FGF17: variants seen among roughly 807,000 people sequenced by gnomAD.
FGF17 encodes the protein fibroblast growth factor 17.
A neutral mutation model predicts 23.5 loss-of-function variants in FGF17; 5 were observed. The observed-to-expected ratio is 0.21, with a 90% CI of 0.11 to 0.45. The LOEUF (loss-of-function observed/expected upper bound fraction) is 0.45, where lower values mean the gene tolerates loss of function less well. Ranked by LOEUF, FGF17 falls within the 20% of genes least tolerant of loss-of-function variation. The pLI, the probability that FGF17 is intolerant of heterozygous loss-of-function variation, is 0.99. For synonymous variants in FGF17, 136 were observed against 123.0 expected (o/e 1.11, Z -0.70); for missense variants, 221 against 306.9 (o/e 0.72, Z 2.09).
chr8:22,042,520 T>G, upstream of FGF17: 1 of 279,104 alleles, frequency 3.6e-6, no homozygotes, highest in Non-Finnish European at 6.8e-6. Flanking sequence ...ACACATCGAG[T>G]TTGTCTGCGT....
chr8:22,044,678 T>C (rs1800823560), intron 2 of FGF17: 4 of 985,000 alleles, frequency 4.1e-6, no homozygotes, highest in Non-Finnish European at 3.6e-6. Context: ...TGCTCCAGGG[T>C]GGGGCGAGGG....
upstream of FGF17, among the ~76,000 whole-genome samples, chr8:22,041,013 C>G (rs936827477): frequency 3.3e-5 from 5 of 152,184 alleles, no homozygotes; most frequent in Admixed American, 3.3e-4. Context: ...CCCAGCCATG[C>G]CACCAGCTAG....
intron 2 of FGF17, chr8:22,044,997 G>A (rs2129664968): frequency 4.1e-6 from 4 of 985,604 alleles, no homozygotes; most frequent in African/African-American, 1.7e-5. Flanking sequence ...GCATCCAGGT[G>A]GAGACAAAAC....
chr8:22,047,845 G>GCCC (rs1449435627), intron 4 of FGF17, 111 bp from the exon 5 acceptor site: 10 of 1,076,812 alleles, frequency 9.3e-6, no homozygotes, highest in Non-Finnish European at 1.3e-5. Flanking sequence ...TGGGCTCACG[G>GCCC]CCCCGTTGTT....
Position 22,044,704 on chromosome 8 carries a change from G to T in FGF17, c.73-1410G>T, listed in dbSNP as rs763094411. 3.0e-6 allele frequency: 3 copies of T among 985,674 alleles called. No individual in the cohort carries two copies. In the African/African-American group the frequency reaches 5.2e-5, roughly 17 times the overall value. The allele number at this position is 985,674 out of a possible 1,614,324, so 61.1% of individuals were successfully genotyped here. On this transcript the variant is annotated intron_variant, in intron 2 of 4. Transcript: ENST00000359441. ...GGGGCGAGGGGCAGGTCTTGCAGAG[G>T]CTAGGCAGAGGCTGCTCTATGGGGA...
Position 22,042,918 on chromosome 8 carries a change from C to T in FGF17, c.-11C>T. On this transcript the variant is annotated 5_prime_UTR_variant, in exon 1 of 5. Coordinates refer to ENST00000359441, the MANE Select transcript of FGF17 (RefSeq NM_003867.4). The stretch of plus-strand genomic sequence containing the variant: ...GGCAGGGGGGCAACCGCCTGAGGAA[C>T]CTCTCCAGCGATGGGAGCCGCCCGC... The T allele has an allele frequency of 6.2e-7, 1 of 1,613,450 alleles. No individual in the cohort carries two copies. Among genetic ancestry groups the T allele is most frequent in the African/African-American group, 1.3e-5 (1 of 75,046 alleles).
At position 22,042,927 on chromosome 8, in the gene FGF17, C is replaced by A. The variant is rs375311317; in HGVS notation, c.-2C>A. 31 of 1,613,248 alleles carry A rather than the reference C, an allele frequency of 1.9e-5. No individual in the cohort carries two copies. The highest frequency in any genetic ancestry group is 2.5e-5 in the Non-Finnish European group (30 of 1,179,756). ...GCAACCGCCTGAGGAACCTCTCCAG[C>A]GATGGGAGCCGCCCGCCTGCTGCCC... On this transcript the variant is annotated 5_prime_UTR_variant, in exon 1 of 5. Transcript: ENST00000359441.
Position 22,048,370 on chromosome 8 carries a change from C to A in FGF17, c.*121C>A. ...ATCCCCGAGGGAGGACCCTGAGGGC[C>A]GCGAAGCATCCGAGCCCCCAGCTGG... On this transcript the variant is annotated 3_prime_UTR_variant, in exon 5 of 5. Transcript: ENST00000359441. The surrounding 1 kb of genome is among the most constrained non-coding windows in gnomAD (Gnocchi z 6.9). 1.1e-6 allele frequency: 1 copy of A among 907,098 alleles called. No individual in the cohort carries two copies. The highest frequency in any genetic ancestry group is 1.6e-6 in the Non-Finnish European group (1 of 615,524). The allele number at this position is 907,098 out of a possible 1,614,324, so 56.2% of individuals were successfully genotyped here. A position where few individuals can be genotyped will look rare whatever the true frequency, so the allele number is the denominator to read the frequency against.
Position 22,046,748 on chromosome 8 carries a change from C to G in FGF17, c.357+115C>G, listed in dbSNP as rs1800878778. 3 of 714,412 alleles carry G rather than the reference C, an allele frequency of 4.2e-6. 1 individual carries two copies. The Admixed American group carries it at 8.3e-5, about 20-fold the overall frequency. The allele number at this position is 714,412 out of a possible 1,614,324, so 44.3% of individuals were successfully genotyped here. On this transcript the variant is annotated intron_variant, in intron 4 of 4. Coordinates refer to ENST00000359441, the MANE Select transcript of FGF17 (RefSeq NM_003867.4). Reference sequence around the variant, plus strand: ...CACACACCCTCCTGTGTAAAGACTTCCCATCCTACTCTCAGCCCACCCACT... The same window carrying G: ...CACACACCCTCCTGTGTAAAGACTTGCCATCCTACTCTCAGCCCACCCACT...
rs1324284056 is a variant in FGF17, at chr8:22,048,409, GGTGCCCCAGGGGCGGCTGGCACA to G, written c.*168_*190del. On this transcript the variant is annotated 3_prime_UTR_variant, in exon 5 of 5. Transcript: ENST00000359441. This position sits in a 1 kb window ranked among gnomAD's most constrained non-coding sequence, Gnocchi z 6.9. ...GCCCCCAGCTGGGAAGGGGCAGGCC[GGTGCCCCAGGGGCGGCTGGCACA>G]GTGCCCCCTTCCCGGACGGGTGGCA... 13 of 677,708 alleles carry G rather than the reference GGTGCCCCAGGGGCGGCTGGCACA, an allele frequency of 1.9e-5. No homozygotes were observed. The Admixed American group carries it at 3.6e-4, about 19-fold the overall frequency. The allele number at this position is 677,708 out of a possible 1,614,324, so 42.0% of individuals were successfully genotyped here. A position where few individuals can be genotyped will look rare whatever the true frequency, so the allele number is the denominator to read the frequency against.
In FGF17 at chr8:22,048,149, C is replaced by T. The variant is rs1334942833; in HGVS notation, c.551C>T (p.Pro184Leu). 6.2e-7 allele frequency: 1 copy of T among 1,613,402 alleles called. No homozygotes were observed. Among genetic ancestry groups the T allele is most frequent in the East Asian group, 2.2e-5 (1 of 44,866 alleles). ...AAGCGCCTCTACCAAGGCCAGCTGC[C>T]CTTCCCCAACCACGCCGAGAAGCAG... ...FIKRLYQGQL[P>L]FPNHAEKQKQ... is the part of the protein sequence containing the mutation. The change falls in exon 5 of 5, where the codon CCC becomes CTC. Residue 184 changes from proline (P) to leucine (L), a missense_variant. Physicochemically the swap from Pro to Leu is moderately conservative, Grantham distance 98. Around this residue, in one of 3 missense-constraint regions of FGF17, gnomAD observed 128 missense variants for 150.4 expected, o/e 0.85. Transcript: ENST00000359441. This position sits in a 1 kb window ranked among gnomAD's most constrained non-coding sequence, Gnocchi z 6.9.
chr8:22,045,832 C>A, intron 2 of FGF17: 1 of 1,352,230 alleles, frequency 7.4e-7, no homozygotes, highest in Non-Finnish European at 9.6e-7. Context: ...CTGAGGGCTC[C>A]TTCCAGCTCC....
chr8:22,042,184 A>G (rs1287340680), upstream of FGF17, among the ~76,000 whole-genome samples: 1 of 151,896 alleles, frequency 6.6e-6, no homozygotes, highest in Non-Finnish European at 1.5e-5. Context: ...AGCTTTTGCA[A>G]CTCTCCATTG....
chr8:22,045,050 C>G, intron 2 of FGF17: 1 of 985,580 alleles, frequency 1.0e-6, no homozygotes, highest in Non-Finnish European at 1.2e-6. Flanking sequence ...GAGGCTGTTG[C>G]CAGGAGCCAG....
In FGF17 at chr8:22,048,077, G is replaced by T. The variant is rs942531977; in HGVS notation, c.479G>T (p.Arg160Leu). Residue 160 changes from arginine to leucine, a missense_variant, in exon 5 of 5, where the codon CGC becomes CTC. Coordinates refer to ENST00000359441, the MANE Select transcript of FGF17 (RefSeq NM_003867.4). The surrounding 1 kb of genome is among the most constrained non-coding windows in gnomAD (Gnocchi z 6.9). Reference sequence around the variant, plus strand: ...GCCTTCACGCGGCAGGGGCGGCCCCGCCAGGCTTCCCGCAGCCGCCAGAAC... The same window carrying T: ...GCCTTCACGCGGCAGGGGCGGCCCCTCCAGGCTTCCCGCAGCCGCCAGAAC... ...FMAFTRQGRPRQASRSRQNQR... is the reference protein window; with the variant it reads ...FMAFTRQGRPLQASRSRQNQR... 3.7e-6 allele frequency: 6 copies of T among 1,612,590 alleles called. No homozygotes were observed. In the Admixed American group the frequency reaches 8.3e-5, roughly 22 times the overall value.
chr8:22,039,980 G>T (rs999976123), upstream of FGF17, among the ~76,000 whole-genome samples: 6 of 152,050 alleles, frequency 3.9e-5, no homozygotes, highest in African/African-American at 7.2e-5. Flanking sequence ...ATGGGGTGAG[G>T]ATTAACCACA....
chr8:22,045,585 T>A, intron 2 of FGF17: 1 of 1,006,012 alleles, frequency 9.9e-7, no homozygotes, highest in Non-Finnish European at 1.2e-6. Flanking sequence ...ACATGCTCTC[T>A]GGTGACCCTA....
chr8:22,043,558 C>G (rs1321828166), intron 2 of FGF17, among the ~76,000 whole-genome samples: 1 of 152,180 alleles, frequency 6.6e-6, no homozygotes, highest in African/African-American at 2.4e-5. Context: ...GATGCAAGAC[C>G]ACTTGTATGT....
At chr8:22,041,886 C>A (rs986752161), upstream of FGF17, among the ~76,000 whole-genome samples, 7 of 152,190 alleles carry the variant, frequency 4.6e-5, no homozygotes, top group African/African-American at 1.7e-4. Context: ...GGCACTTCAT[C>A]CCAGGCAGCT....
Sources: allele counts gnomAD v4.1 joint callset (sites outside exome capture counted in the v4.1 genomes callset), GRCh38; gene constraint gnomAD v4.1.1; regional missense constraint gnomAD v4.1.1; non-coding constraint Gnocchi (gnomAD v3.1); transcripts MANE v1.5; gene names NCBI Gene and HGNC (gene_info 2026-07-23, HGNC 2026-07-21).